MEMO1: variants seen among roughly 807,000 people sequenced by gnomAD.
The protein encoded by MEMO1 is mediator of cell motility 1.
Under a neutral mutation model 45.2 loss-of-function variants are expected in MEMO1, and 6 were observed. That is an observed-to-expected ratio of 0.13 (90% CI 0.07 to 0.26). The LOEUF (loss-of-function observed/expected upper bound fraction) is 0.26. Among genes scored for constraint, MEMO1 ranks in the 10% least tolerant of loss-of-function variants. MEMO1 has a pLI of 1.00. For synonymous variants in MEMO1, 78 were observed against 124.3 expected, an observed-to-expected ratio of 0.63 and a Z score of 2.48; for missense variants, 184 against 370.5, an observed-to-expected ratio of 0.50 and a Z score of 4.13.
chr2:31,906,736 T>C (rs1291958566), intron 6 of MEMO1, among the ~76,000 whole-genome samples: 5 of 152,168 alleles, frequency 3.3e-5, no homozygotes, highest in Non-Finnish European at 7.4e-5. Flanking sequence ...CGGCATTCAA[T>C]TCCCTCCATA....
At chr2:31,949,398 G>A (rs1032694747) in intron 2 of MEMO1, among the ~76,000 whole-genome samples, 1 of 152,006 alleles carries the variant, frequency 6.6e-6, no homozygotes, top group Non-Finnish European at 1.5e-5. Flanking sequence ...AGAAACAGTG[G>A]TACATACACA....
chr2:31,928,123 G>A (rs1463990177), intron 4 of MEMO1, among the ~76,000 whole-genome samples: 3 of 152,158 alleles, frequency 2.0e-5, no homozygotes, highest in Non-Finnish European at 2.9e-5. Flanking sequence ...AACAACACCT[G>A]AAAACCTTTG....
intron 2 of MEMO1, among the ~76,000 whole-genome samples, chr2:31,968,165 G>A (rs575810408): frequency 6.6e-6 from 1 of 152,314 alleles, no homozygotes; most frequent in Admixed American, 6.5e-5. Flanking sequence ...GGCTGACCCA[G>A]AAAGACTGAA....
intron 4 of MEMO1, chr2:31,923,461 G>A (rs1682632812): frequency 1.6e-6 from 1 of 623,512 alleles, no homozygotes; most frequent in African/African-American, 1.9e-5. Flanking sequence ...CAAAAAAAAA[G>A]TCAAATCTAT....
At chr2:31,982,018 G>T (rs1670691485) in intron 2 of MEMO1, among the ~76,000 whole-genome samples, 1 of 152,194 alleles carries the variant, frequency 6.6e-6, no homozygotes, top group African/African-American at 2.4e-5. Context: ...GATACAACTG[G>T]CCGGGCGCGG....
intron 2 of MEMO1, among the ~76,000 whole-genome samples, chr2:31,993,053 G>C (rs1049610768): frequency 6.6e-6 from 1 of 152,090 alleles, no homozygotes; most frequent in Admixed American, 6.6e-5. Flanking sequence ...CATGCCTCTA[G>C]TCCCAGCTAT....
intron 2 of MEMO1, among the ~76,000 whole-genome samples, chr2:31,969,427 AT>A (rs1669041688): frequency 2.0e-5 from 1 of 51,122 alleles, no homozygotes; most frequent in Non-Finnish European, 5.2e-5. Context: ...ATATATACAT[AT>A]ATGTGTGTGT....
chr2:31,874,306 T>C (rs935695294), intron 8 of MEMO1, among the ~76,000 whole-genome samples: 5 of 152,084 alleles, frequency 3.3e-5, no homozygotes, highest in Non-Finnish European at 5.9e-5. Flanking sequence ...ACAGTAATTA[T>C]TGACATTGCA....
intron 6 of MEMO1, among the ~76,000 whole-genome samples, chr2:31,904,780 A>T (rs1206129791): frequency 6.6e-6 from 1 of 152,248 alleles, no homozygotes; most frequent in Non-Finnish European, 1.5e-5. Flanking sequence ...TGTTAAAGGC[A>T]AAGTGATATA....
chr2:31,970,801 T>G (rs931809553), intron 2 of MEMO1, among the ~76,000 whole-genome samples: 15 of 152,052 alleles, frequency 9.9e-5, no homozygotes, highest in African/African-American at 3.4e-4. Flanking sequence ...GTCAGGAGTT[T>G]GAGACCAGCC....
intron 6 of MEMO1, among the ~76,000 whole-genome samples, chr2:31,916,333 A>G (rs1364261908): frequency 6.6e-6 from 1 of 152,018 alleles, no homozygotes; most frequent in Non-Finnish European, 1.5e-5. Flanking sequence ...GGCTCAAGCA[A>G]TCATCCCACC....
At chr2:31,929,746 G>A (rs1683668447) in intron 4 of MEMO1, among the ~76,000 whole-genome samples, 1 of 152,170 alleles carries the variant, frequency 6.6e-6, no homozygotes, top group Non-Finnish European at 1.5e-5. Flanking sequence ...AACAAAAATG[G>A]ATTAATGTGG....
chr2:31,943,164 T>C (rs988530604), intron 3 of MEMO1, 138 bp downstream of exon 3: 29 of 674,222 alleles, frequency 4.3e-5, no homozygotes, highest in Non-Finnish European at 6.2e-5. Flanking sequence ...GCTCAGGAGG[T>C]TGAGGCAGGA....
At chr2:31,877,502 T>C (rs1441649436) in intron 8 of MEMO1, among the ~76,000 whole-genome samples, 2 of 152,210 alleles carry the variant, frequency 1.3e-5, no homozygotes, top group Admixed American at 6.5e-5. Flanking sequence ...CCACTTCATA[T>C]ACAAACAGAA....
intron 6 of MEMO1, among the ~76,000 whole-genome samples, chr2:31,895,299 A>G (rs1212209151): frequency 1.3e-5 from 2 of 152,214 alleles, no homozygotes; most frequent in Non-Finnish European, 2.9e-5. Flanking sequence ...GTATCTGAGT[A>G]AGAGCAGATA....
intron 6 of MEMO1, chr2:31,893,443 A>G: frequency 1.2e-6 from 1 of 825,768 alleles, no homozygotes; most frequent in Non-Finnish European, 1.5e-6. Context: ...ATTAGTTAAG[A>G]CTGATTGTCA....
intron 2 of MEMO1, among the ~76,000 whole-genome samples, chr2:31,949,643 A>C (rs962603907): frequency 7.0e-4 from 3 of 4,272 alleles, no homozygotes; most frequent in Non-Finnish European, 1.9e-3. Context: ...TAATGGGTAC[A>C]AAAAAAAAAA....
At position 31,882,531 on chromosome 2, in the gene MEMO1, A is replaced by G. The variant is rs549992911; in HGVS notation, c.657+855T>C. ...TAAAAATTTGAAGGAAAAAAAAAGT[A>G]GTTCCAAAATAAATATGCCTCTGTC... On this transcript the variant is annotated intron_variant, in intron 8 of 9. Coordinates refer to ENST00000404530, the MANE Select transcript of MEMO1 (RefSeq NM_001301833.4). Among the ~76,000 whole-genome samples, 9 of 152,320 alleles carry G rather than the reference A, an allele frequency of 5.9e-5. No homozygotes were observed. In the South Asian group the frequency reaches 1.2e-3, roughly 21 times the overall value.
At chr2:31,992,349 T>C (rs763112267) in intron 2 of MEMO1, among the ~76,000 whole-genome samples, 2 of 152,228 alleles carry the variant, frequency 1.3e-5, no homozygotes, top group African/African-American at 4.8e-5. Context: ...GCACAGATCA[T>C]ATGGCCCACA....
Sources: gnomAD v4.1 joint callset for allele counts (sites outside exome capture counted in the v4.1 genomes callset) on GRCh38, gnomAD v4.1.1 for gene constraint, MANE v1.5 for transcripts, NCBI Gene and HGNC (gene_info 2026-07-23, HGNC 2026-07-21) for gene names.